Variants in GNAO1 observed in about 807,000 individuals in gnomAD.
GNAO1 encodes the protein G protein subunit alpha o1, also known as guanine nucleotide-binding protein G(o) subunit alpha.
For synonymous variants in GNAO1, 164 were observed against 180.7 expected (o/e 0.91, Z 0.74); for missense variants, 166 against 478.7 (o/e 0.35, Z 6.10).
chr16:56,263,398 C>T (rs1284633517), intron 2 of GNAO1, among the ~76,000 whole-genome samples: 1 of 152,198 alleles, frequency 6.6e-6, no homozygotes, highest in African/African-American at 2.4e-5. Flanking sequence ...AGTCTGTGAA[C>T]TCAGTCCTCA....
chr16:56,350,153 C>T (rs770047197), intron 6 of GNAO1, among the ~76,000 whole-genome samples: 1 of 152,248 alleles, frequency 6.6e-6, no homozygotes, highest in East Asian at 1.9e-4. Context: ...TCAGCACCCA[C>T]GGTGTGCTCA....
At chr16:56,281,358 G>T (rs1370430959) in intron 3 of GNAO1, among the ~76,000 whole-genome samples, 2 of 151,978 alleles carry the variant, frequency 1.3e-5, no homozygotes, top group Non-Finnish European at 2.9e-5. Flanking sequence ...TCCCACATCT[G>T]TCCCACCCCA....
intron 2 of GNAO1, among the ~76,000 whole-genome samples, chr16:56,265,378 T>C (rs2036941746): frequency 6.6e-6 from 1 of 152,234 alleles, no homozygotes; most frequent in African/African-American, 2.4e-5. Flanking sequence ...AAGGCAGGCC[T>C]GGCCATGCAG....
rs1367504072 is a variant in GNAO1, at chr16:56,356,931, C to G, written c.*857C>G. 3 of 151,818 alleles carry G rather than the reference C, an allele frequency of 2.0e-5. No homozygotes were observed. The highest frequency in any genetic ancestry group is 2.9e-5 in the Non-Finnish European group (2 of 67,912). 9.4% of individuals were successfully genotyped at this position (151,818 alleles called of 1,614,324 possible). On this transcript the variant is annotated 3_prime_UTR_variant, in exon 9 of 9. Coordinates refer to ENST00000262493, the MANE Select transcript of GNAO1 (RefSeq NM_020988.3). ...GATTTCCGGTCCCGGCTGACACCTC[C>G]CTTCGTGTGTGCGCCCCTCCCCACC...
At chr16:56,345,066 A>C (rs2241954) in intron 6 of GNAO1, 402,548 of 984,828 alleles carry the variant, frequency 0.41, 82,686 homozygotes, top group Non-Finnish European at 0.42. Context: ...CCCTGTCCCC[A>C]ACTCTAAAGG....
chr16:56,344,110 C>A, intron 6 of GNAO1: 1 of 1,451,626 alleles, frequency 6.9e-7, no homozygotes, highest in Non-Finnish European at 9.0e-7. Context: ...CCACCCGCAC[C>A]CCCCAACAGA....
intron 6 of GNAO1, among the ~76,000 whole-genome samples, chr16:56,348,545 AGGTCTAGGGGGTTGGCTG>A (rs1274546023): frequency 2.0e-5 from 3 of 152,168 alleles, no homozygotes; most frequent in Non-Finnish European, 4.4e-5. Context: ...GGGCAGGTGG[AGGTCTAGGGGGTTGGCTG>A]TCAGCCATCT....
intron 3 of GNAO1, among the ~76,000 whole-genome samples, chr16:56,297,522 GGTGTGTGTGTGTGTGTGTGTGT>G (rs10545712): frequency 3.7e-5 from 5 of 134,330 alleles, no homozygotes; most frequent in Admixed American, 7.3e-5. Flanking sequence ...TTGTCTAACT[GGTGTGTGTGTGTGTGTGTGTGT>G]GTGTGTGTGT....
chr16:56,282,477 A>G (rs1333736657), intron 3 of GNAO1, among the ~76,000 whole-genome samples: 1 of 152,268 alleles, frequency 6.6e-6, no homozygotes, highest in Non-Finnish European at 1.5e-5. Flanking sequence ...GGTTAGAAAC[A>G]GAAGCACAAG....
intron 2 of GNAO1, among the ~76,000 whole-genome samples, chr16:56,264,351 G>A (rs1209054353): frequency 6.6e-6 from 1 of 152,224 alleles, no homozygotes; most frequent in Non-Finnish European, 1.5e-5. Flanking sequence ...GCCGTGGACT[G>A]ACAGCTGGCC....
chr16:56,263,050 T>A (rs1214861313), intron 2 of GNAO1, among the ~76,000 whole-genome samples: 1 of 152,182 alleles, frequency 6.6e-6, no homozygotes, highest in Admixed American at 6.5e-5. Flanking sequence ...AACCAAGACA[T>A]CAGGGTTGAA....
At chr16:56,211,677 G>GCGACTTGA (rs2036390026) in intron 2 of GNAO1, among the ~76,000 whole-genome samples, 1 of 152,148 alleles carries the variant, frequency 6.6e-6, no homozygotes, top group South Asian at 2.1e-4. Context: ...TGTTTCAGTC[G>GCGACTTGA]CGACTTGAAA....
intron 3 of GNAO1, among the ~76,000 whole-genome samples, chr16:56,288,180 C>T (rs764608591): frequency 1.3e-5 from 2 of 152,248 alleles, no homozygotes; most frequent in Non-Finnish European, 2.9e-5. Context: ...ACGTGGCCTT[C>T]TCTGTGCCAG....
intron 4 of GNAO1, among the ~76,000 whole-genome samples, chr16:56,334,245 A>G (rs1161935468): frequency 6.6e-6 from 1 of 152,244 alleles, no homozygotes; most frequent in Non-Finnish European, 1.5e-5. Context: ...CTGAAGCCCC[A>G]GACAGTAATA....
intron 3 of GNAO1, among the ~76,000 whole-genome samples, chr16:56,298,891 G>A (rs1262113617): frequency 2.0e-5 from 3 of 151,314 alleles, no homozygotes; most frequent in Admixed American, 1.3e-4. Flanking sequence ...CTCCAGCCTG[G>A]GCGAGAGAGT....
At chr16:56,219,229 C>T (rs61258743) in intron 2 of GNAO1, among the ~76,000 whole-genome samples, 21,577 of 152,172 alleles carry the variant, frequency 0.14, 2,057 homozygotes, top group African/African-American at 0.27. Context: ...TTTGAAACCA[C>T]CACATTGGGT....
intron 2 of GNAO1, among the ~76,000 whole-genome samples, chr16:56,239,594 C>T (rs2036674603): frequency 1.3e-5 from 2 of 152,196 alleles, no homozygotes; most frequent in Admixed American, 6.5e-5. Flanking sequence ...GGTGCTGAGG[C>T]ATCACATTCT....
chr16:56,286,697 G>C (rs796601331), intron 3 of GNAO1, among the ~76,000 whole-genome samples: 16 of 17,028 alleles, frequency 9.4e-4, no homozygotes, highest in African/African-American at 4.0e-3. Context: ...TGTCGCCTCT[G>C]TGTGTGTGTG....
rs116810129 is a variant in GNAO1 at position 56,329,572 on chromosome 16, G to C, written c.464+781G>C. 2.2e-3 allele frequency among the ~76,000 whole-genome samples: 329 copies of C among 152,334 alleles called. 1 individual carries two copies. The highest frequency in any genetic ancestry group is 6.9e-3 in the African/African-American group (288 of 41,572). The stretch of plus-strand genomic sequence containing the variant: ...TAGATTGGAGGCTCCAGAGCCCTGG[G>C]ATGGTCAGCGTTGGTCAGGGACATG... On this transcript the variant is annotated intron_variant, in intron 4 of 8. Transcript: ENST00000262493.
Sources: allele counts gnomAD v4.1 joint callset (sites outside exome capture counted in the v4.1 genomes callset), GRCh38; gene constraint gnomAD v4.1.1; transcripts MANE v1.5; gene names NCBI Gene and HGNC (gene_info 2026-07-23, HGNC 2026-07-21).